PRPF8: variants seen among roughly 807,000 people sequenced by gnomAD.
PRPF8 encodes pre-mRNA-processing-splicing factor 8.
In PRPF8, 64 loss-of-function variants were observed where a neutral mutation model predicts 285.9. The observed-to-expected ratio is 0.22, with a 90% CI of 0.18 to 0.28. The LOEUF (loss-of-function observed/expected upper bound fraction) is 0.28, where lower values mean the gene tolerates loss of function less well. Among genes scored for constraint, PRPF8 ranks in the 10% least tolerant of loss-of-function variants. The pLI, the probability that PRPF8 is intolerant of heterozygous loss-of-function variation, is 1.00. For synonymous variants in PRPF8, 1,325 were observed against 1,118.2 expected (o/e 1.18, Z -3.69); for missense variants, 1,426 against 3,026.7 (o/e 0.47, Z 12.41).
intron 24 of PRPF8, among the ~76,000 whole-genome samples, chr17:1,666,251 A>G (rs1911979411): frequency 6.6e-6 from 1 of 152,066 alleles, no homozygotes. Flanking sequence ...TGATAAGAGA[A>G]GAAATCAATG....
rs28573273 is a variant in PRPF8, at chr17:1,659,721, G to A, written c.4946+120C>T. 17,399 of 1,402,954 alleles carry A rather than the reference G, an allele frequency of 0.012. 960 individuals carry two copies. In the African/African-American group the frequency reaches 0.15, roughly 12 times the overall value. The allele number at this position is 1,402,954 out of a possible 1,614,324, so 86.9% of individuals were successfully genotyped here. A position where few individuals can be genotyped will look rare whatever the true frequency, so the allele number is the denominator to read the frequency against. On this transcript the variant is annotated intron_variant, in intron 31 of 42. Transcript: ENST00000304992. This position sits in a 1 kb window ranked among gnomAD's most constrained non-coding sequence, Gnocchi z 5.1. ...CTAAGGGTGTTGACAGGCTCCAAGC[G>A]TAGCACTGGCTCCAAGTTTGAAACA...
intron 2 of PRPF8, 100 bp from the exon 3 acceptor site, chr17:1,683,801 G>T: frequency 7.2e-7 from 1 of 1,392,232 alleles, no homozygotes. Context: ...TGAGGGAGAA[G>T]CAGGCACCAG....
At position 1,679,140 on chromosome 17, in the gene PRPF8, A is replaced by C. The variant is rs765148447; in HGVS notation, c.1476T>G (p.Val492=). 3.2e-5 allele frequency: 51 copies of C among 1,614,072 alleles called. No homozygotes were observed. Among genetic ancestry groups the C allele is most frequent in the Non-Finnish European group, 4.2e-5 (50 of 1,180,036 alleles). Residue 492 remains valine (V), a synonymous_variant, in exon 11 of 43, where the codon GTT becomes GTG. Transcript: ENST00000304992. This position sits in a 1 kb window ranked among gnomAD's most constrained non-coding sequence, Gnocchi z 4.7. The stretch of plus-strand genomic sequence containing the variant: ...AGCCCTGGCGGCAAACCTGGAGCCC[A>C]ACCTCCACCCAGTCCAGCTTTGTGG... ...FQSTKLDWVE[V]GLQVCRQGYN... is the part of the protein sequence containing the mutation.
At chr17:1,665,144 T>G (rs1597235814) in intron 24 of PRPF8, among the ~76,000 whole-genome samples, 3 of 94,794 alleles carry the variant, frequency 3.2e-5, no homozygotes, top group Admixed American at 1.2e-4. Flanking sequence ...CGGGCGAAAA[T>G]GTGAGACTCT....
Position 1,673,337 on chromosome 17 carries a change from C to T in PRPF8, c.3657+20G>A, listed in dbSNP as rs1440793944. 6 of 1,613,484 alleles carry T rather than the reference C, an allele frequency of 3.7e-6. No homozygotes were observed. The East Asian group carries it at 6.7e-5, about 18-fold the overall frequency. ...AGTGCAGGCGCGTTCATGTCACTCC[C>T]AGCCCCGCCCAGGCTGTACCTCATT... On this transcript the variant is annotated intron_variant, in intron 23 of 42. Transcript: ENST00000304992. The surrounding 1 kb of genome is among the most constrained non-coding windows in gnomAD (Gnocchi z 5.5).
intron 24 of PRPF8, among the ~76,000 whole-genome samples, chr17:1,663,026 C>A (rs1567680856): frequency 6.6e-6 from 1 of 151,874 alleles, no homozygotes; most frequent in Non-Finnish European, 1.5e-5. Flanking sequence ...ACTTATAATA[C>A]ATGTACAATT....
chr17:1,683,763 C>T, intron 2 of PRPF8, 62 bp from the exon 3 acceptor site: 2 of 1,597,448 alleles, frequency 1.3e-6, no homozygotes, highest in Admixed American at 1.7e-5. Flanking sequence ...TCACCTCTTG[C>T]CCTAGGGTAA....
chr17:1,652,859 G>C (rs951217397), intron 39 of PRPF8: 1 of 160,536 alleles, frequency 6.2e-6, no homozygotes, highest in Non-Finnish European at 1.4e-5. Flanking sequence ...CTGGAGTGCA[G>C]TGGGGTCATC....
intron 39 of PRPF8, chr17:1,652,597 A>C (rs1206607615): frequency 1.3e-5 from 2 of 153,860 alleles, no homozygotes; most frequent in African/African-American, 4.8e-5. Context: ...CCAGGCTAGC[A>C]GGCAGTGACA....
chr17:1,673,210 G>A lies in PRPF8; in HGVS notation c.3658-13C>T, dbSNP rs1912421462. On this transcript the variant is annotated splice_polypyrimidine_tract_variant and intron_variant, in intron 23 of 42. Transcript: ENST00000304992. This position sits in a 1 kb window ranked among gnomAD's most constrained non-coding sequence, Gnocchi z 5.5. ...GCTCCTTAGTAACCTAAACCACAAA[G>A]TCAAGGTTAACATGTCCGAGGAACT... The A allele has an allele frequency of 8.1e-6, 13 of 1,613,576 alleles. No homozygotes were observed. Among genetic ancestry groups the A allele is most frequent in the Non-Finnish European group, 1.0e-5 (12 of 1,179,472 alleles).
At chr17:1,677,302 A>G (rs1294674572) in intron 14 of PRPF8, 130 bp from the exon 15 acceptor site, 1 of 1,057,884 alleles carries the variant, frequency 9.5e-7, no homozygotes, top group Admixed American at 1.8e-5. Flanking sequence ...CCCTGTGCCC[A>G]GCATATGCAA....
At chr17:1,677,823 G>A (rs147318161) in intron 13 of PRPF8, 129 bp from the exon 14 acceptor site, 22 of 1,212,930 alleles carry the variant, frequency 1.8e-5, no homozygotes, top group Admixed American at 4.8e-5. Context: ...CAGTAGAGGG[G>A]TAAAAAGAAA....
At chr17:1,666,625 C>G (rs985819515) in intron 24 of PRPF8, among the ~76,000 whole-genome samples, 12 of 151,772 alleles carry the variant, frequency 7.9e-5, no homozygotes, top group Non-Finnish European at 1.5e-4. Context: ...CTTTGAAAAG[C>G]TGAATAAAAC....
rs1163246802 is a variant in PRPF8, at chr17:1,673,102, A to G, written c.3753T>C (p.Ser1251=). ...HNRVRQILMA[S]GSTTFTKIVN... The stretch of plus-strand genomic sequence containing the variant: ...GTACCTTGGTGAAGGTGGTGGACCC[A>G]GAGGCCATGAGAATCTGACGCACGC... Residue 1251 remains serine, a synonymous_variant, in exon 24 of 43, where the codon TCT becomes TCC. Transcript: ENST00000304992. The surrounding 1 kb of genome is among the most constrained non-coding windows in gnomAD (Gnocchi z 5.5). 6.2e-7 allele frequency: 1 copy of G among 1,614,122 alleles called. No homozygotes were observed. The highest frequency in any genetic ancestry group is 1.3e-5 in the African/African-American group (1 of 74,944).
At chr17:1,670,486 T>C (rs1412585222) in intron 24 of PRPF8, among the ~76,000 whole-genome samples, 2 of 152,204 alleles carry the variant, frequency 1.3e-5, no homozygotes, top group East Asian at 1.9e-4. Context: ...ATCATTTTTA[T>C]TGATTTATGT....
At chr17:1,660,282 T>C (rs1597231888) in intron 30 of PRPF8, 150 bp downstream of exon 30, 2 of 1,428,880 alleles carry the variant, frequency 1.4e-6, no homozygotes, top group East Asian at 4.6e-5. Flanking sequence ...CTCTCTACAG[T>C]ACCCTCTCCC....
chr17:1,659,838 T>G lies in PRPF8; in HGVS notation c.4946+3A>C. 6.2e-7 allele frequency: 1 copy of G among 1,614,122 alleles called. No individual in the cohort carries two copies. Among genetic ancestry groups the G allele is most frequent in the South Asian group, 1.1e-5 (1 of 91,078 alleles). ...GCCTAGGGCTGGGTCCTGAGGCACT[T>G]ACTTGGAGTCAGCCAGCAATGAGGG... On this transcript the variant is annotated splice_donor_region_variant and intron_variant, in intron 31 of 42. Transcript: ENST00000304992. The surrounding 1 kb of genome is among the most constrained non-coding windows in gnomAD (Gnocchi z 5.1).
intron 24 of PRPF8, among the ~76,000 whole-genome samples, chr17:1,669,611 C>A (rs1912198130): frequency 6.6e-6 from 1 of 152,258 alleles, no homozygotes; most frequent in Non-Finnish European, 1.5e-5. Context: ...CCACTGCCAT[C>A]TGGCTTCCAT....
At position 1,658,473 on chromosome 17, in the gene PRPF8, C is replaced by G. The variant is rs1318282655; in HGVS notation, c.5376+53G>C. The G allele has an allele frequency of 6.2e-7, 1 of 1,613,460 alleles. No homozygotes were observed. Among genetic ancestry groups the G allele is most frequent in the Non-Finnish European group, 8.5e-7 (1 of 1,179,458 alleles). On this transcript the variant is annotated intron_variant, in intron 33 of 42. Transcript: ENST00000304992. This position sits in a 1 kb window ranked among gnomAD's most constrained non-coding sequence, Gnocchi z 4.1. The stretch of plus-strand genomic sequence containing the variant: ...ATGTGTACACACTTAGCCCATTACT[C>G]TCCCACAGCCATGTACAGAGTCCCG...
Sources: gnomAD v4.1 joint callset for allele counts (sites outside exome capture counted in the v4.1 genomes callset) on GRCh38, gnomAD v4.1.1 for gene constraint, Gnocchi (gnomAD v3.1) non-coding constraint, MANE v1.5 for transcripts, NCBI Gene and HGNC (gene_info 2026-07-23, HGNC 2026-07-21) for gene names.